SEPTIN11: variants seen among roughly 807,000 people sequenced by gnomAD.
The protein encoded by SEPTIN11 is septin-11.
Under a neutral mutation model 51.4 loss-of-function variants are expected in SEPTIN11, and 25 were observed. That is an observed-to-expected ratio of 0.49 (90% CI 0.35 to 0.68). SEPTIN11 has a LOEUF of 0.68. SEPTIN11 is among the 30% of genes least tolerant of loss of function. The pLI, the probability that SEPTIN11 is intolerant of heterozygous loss-of-function variation, is 0.00. For synonymous variants in SEPTIN11, 174 were observed against 184.1 expected (o/e 0.95, Z 0.44); for missense variants, 381 against 520.8 (o/e 0.73, Z 2.61).
At chr4:76,967,265 A>T (rs191409400) in intron 1 of SEPTIN11, among the ~76,000 whole-genome samples, 2 of 152,316 alleles carry the variant, frequency 1.3e-5, no homozygotes, top group East Asian at 3.9e-4. Context: ...AATTTATCTA[A>T]CTTTCTCTTT....
At chr4:77,025,113 AT>A (rs35562176) in intron 7 of SEPTIN11, among the ~76,000 whole-genome samples, 37,959 of 152,154 alleles carry the variant, frequency 0.25, 5,334 homozygotes, top group East Asian at 0.39. Context: ...TTAAGAGGAA[AT>A]TATAAGATAA....
At chr4:76,999,996 A>G (rs554218254) in intron 2 of SEPTIN11, among the ~76,000 whole-genome samples, 3 of 152,168 alleles carry the variant, frequency 2.0e-5, no homozygotes, top group Non-Finnish European at 4.4e-5. Flanking sequence ...TTTTTTCATA[A>G]TTTTAAATTT....
At chr4:77,011,527 G>T in intron 3 of SEPTIN11, among the ~76,000 whole-genome samples, 1 of 129,752 alleles carries the variant, frequency 7.7e-6, no homozygotes, top group Non-Finnish European at 1.6e-5. Flanking sequence ...ATGGGTGGGG[G>T]GCGGGCTGCT....
At position 76,968,177 on chromosome 4, in the gene SEPTIN11, C is replaced by T. The variant is rs987741722; in HGVS notation, c.27+18247C>T. On this transcript the variant is annotated intron_variant, in intron 1 of 9. Coordinates refer to ENST00000264893, the MANE Select transcript of SEPTIN11 (RefSeq NM_018243.4). The stretch of plus-strand genomic sequence containing the variant: ...ATTATTTATGAATTCGGCAGTGGGA[C>T]GATATAAAATGCAAGTTGATATAGG... Among the ~76,000 whole-genome samples, 13 of 151,896 alleles carry T rather than the reference C, an allele frequency of 8.6e-5. 1 individual carries two copies. Among genetic ancestry groups the T allele is most frequent in the African/African-American group, 2.7e-4 (11 of 41,328 alleles).
chr4:76,960,978 A>T (rs1355344013), intron 1 of SEPTIN11, among the ~76,000 whole-genome samples: 1 of 152,140 alleles, frequency 6.6e-6, no homozygotes, highest in Admixed American at 6.6e-5. Flanking sequence ...AACCAGTCAG[A>T]TATTTGAGGA....
At chr4:77,012,009 A>AT (rs370111654) in intron 4 of SEPTIN11, 88 bp downstream of exon 4, 6,095 of 1,113,644 alleles carry the variant, frequency 5.5e-3, no homozygotes, top group South Asian at 8.5e-3. Context: ...TTTCAGTGTG[A>AT]TTTTTTTTTT....
chr4:76,969,901 A>C (rs1722172613), intron 1 of SEPTIN11, among the ~76,000 whole-genome samples: 1 of 152,198 alleles, frequency 6.6e-6, no homozygotes, highest in African/African-American at 2.4e-5. Flanking sequence ...GTAGAACTAA[A>C]GGGCCCTTTT....
intron 1 of SEPTIN11, among the ~76,000 whole-genome samples, chr4:76,968,468 C>T (rs190061751): frequency 2.0e-5 from 3 of 152,228 alleles, no homozygotes; most frequent in East Asian, 1.9e-4. Flanking sequence ...GCATCTTCTA[C>T]GAACTATTAG....
At chr4:76,950,844 T>C (rs932320975) in intron 1 of SEPTIN11, among the ~76,000 whole-genome samples, 6 of 152,186 alleles carry the variant, frequency 3.9e-5, no homozygotes, top group Non-Finnish European at 8.8e-5. Context: ...GGCGGCGGCC[T>C]TTCCTTTTTT....
In SEPTIN11 at chr4:76,949,790, C is replaced by T; in HGVS notation, c.-114C>T. 3.4e-6 allele frequency: 4 copies of T among 1,175,766 alleles called. No homozygotes were observed. The highest frequency in any genetic ancestry group is 3.0e-5 in the East Asian group (1 of 33,420). The allele number at this position is 1,175,766 out of a possible 1,614,324, so 72.8% of individuals were successfully genotyped here. A position where few individuals can be genotyped will look rare whatever the true frequency, so the allele number is the denominator to read the frequency against. Reference sequence around the variant, plus strand: ...TGGCTGCCAGCGGGACGCCGGCGAGCAGAGCGCAGCCGCGAGGGAGGCGCG... The same window carrying T: ...TGGCTGCCAGCGGGACGCCGGCGAGTAGAGCGCAGCCGCGAGGGAGGCGCG... On this transcript the variant is annotated 5_prime_UTR_variant, in exon 1 of 10. Coordinates refer to ENST00000264893, the MANE Select transcript of SEPTIN11 (RefSeq NM_018243.4).
chr4:77,002,364 G>T (rs1724173795), intron 2 of SEPTIN11, among the ~76,000 whole-genome samples: 1 of 152,156 alleles, frequency 6.6e-6, no homozygotes, highest in African/African-American at 2.4e-5. Context: ...TCTTGTCCAG[G>T]TAACCTGGAA....
chr4:76,996,606 GAC>G, intron 2 of SEPTIN11, 67 bp downstream of exon 2: 1 of 1,122,772 alleles, frequency 8.9e-7, no homozygotes, highest in Middle Eastern at 2.0e-4. Context: ...CTGTCGGAGA[GAC>G]ATGCTTCAGT....
At chr4:76,957,408 G>GGTTCTAGAGTATC (rs1450310997) in intron 1 of SEPTIN11, among the ~76,000 whole-genome samples, 51 of 152,004 alleles carry the variant, frequency 3.4e-4, no homozygotes, top group Non-Finnish European at 1.6e-4. Context: ...AGGTTGCTCC[G>GGTTCTAGAGTATC]GTTCTAGAGT....
intron 7 of SEPTIN11, among the ~76,000 whole-genome samples, chr4:77,028,264 G>T (rs1560748309): frequency 6.6e-6 from 1 of 152,140 alleles, no homozygotes; most frequent in Non-Finnish European, 1.5e-5. Context: ...GGATCTGTGG[G>T]ACTCCAGTCC....
rs114257464 is a variant in SEPTIN11, at chr4:77,013,689, T to C, written c.526-1167T>C. On this transcript the variant is annotated intron_variant, in intron 4 of 9. Transcript: ENST00000264893. ...GCAGGTTGAGGAATAGGTTGAAGAA[T>C]AGGTCTTTCTCTCAGCATGTCATCT... 4.2e-3 allele frequency among the ~76,000 whole-genome samples: 646 copies of C among 152,332 alleles called. 5 individuals carry two copies. Among genetic ancestry groups the C allele is most frequent in the African/African-American group, 0.015 (610 of 41,594 alleles).
rs781583258 is a variant in SEPTIN11, at chr4:77,038,341, A to G, written c.*3829A>G. 1.6e-5 allele frequency: 16 copies of G among 985,658 alleles called. No individual in the cohort carries two copies. Among genetic ancestry groups the G allele is most frequent in the Non-Finnish European group, 1.8e-5 (15 of 829,862 alleles). The allele number at this position is 985,658 out of a possible 1,614,324, so 61.1% of individuals were successfully genotyped here. A position where few individuals can be genotyped will look rare whatever the true frequency, so the allele number is the denominator to read the frequency against. On this transcript the variant is annotated 3_prime_UTR_variant, in exon 10 of 10. Coordinates refer to ENST00000264893, the MANE Select transcript of SEPTIN11 (RefSeq NM_018243.4). ...TCATTTTGCTGTTTGAAAATAACCA[A>G]TGTGTTTTCTAAAACTGTCGTGTAA...
chr4:77,016,538 A>AAT lies in SEPTIN11; in HGVS notation c.687+1529_687+1530dup, dbSNP rs200673752. On this transcript the variant is annotated intron_variant, in intron 5 of 9. Coordinates refer to ENST00000264893, the MANE Select transcript of SEPTIN11 (RefSeq NM_018243.4). ...ATATATTTTGTATTATTGTTTTTAT[A>AAT]ATATATATAGCATATATATTATATA... 6.6e-3 allele frequency among the ~76,000 whole-genome samples: 948 copies of AAT among 144,112 alleles called. 9 individuals carry two copies. Among genetic ancestry groups the AAT allele is most frequent in the African/African-American group, 0.023 (891 of 39,448 alleles). The allele number at this position is 144,112 out of a possible 152,430, so 94.5% of individuals were successfully genotyped here.
At chr4:76,968,968 C>G (rs1289465806) in intron 1 of SEPTIN11, among the ~76,000 whole-genome samples, 1 of 152,154 alleles carries the variant, frequency 6.6e-6, no homozygotes, top group Non-Finnish European at 1.5e-5. Context: ...TACGCCAGAG[C>G]ATTTTTATTG....
rs2109994887 is a variant in SEPTIN11, at chr4:77,038,312, CT to C, written c.*3802del. 1 of 985,518 alleles carries C rather than the reference CT, an allele frequency of 1.0e-6. No individual in the cohort carries two copies. The highest frequency in any genetic ancestry group is 1.1e-4 in the East Asian group (1 of 8,810). The allele number at this position is 985,518 out of a possible 1,614,324, so 61.0% of individuals were successfully genotyped here. A position where few individuals can be genotyped will look rare whatever the true frequency, so the allele number is the denominator to read the frequency against. ...ATGCCTTAAACTGTAGTTGTAGATC[CT>C]TGTCATTTTGCTGTTTGAAAATAAC... On this transcript the variant is annotated 3_prime_UTR_variant, in exon 10 of 10. Coordinates refer to ENST00000264893, the MANE Select transcript of SEPTIN11 (RefSeq NM_018243.4).
Sources: allele counts gnomAD v4.1 joint callset (sites outside exome capture counted in the v4.1 genomes callset), GRCh38; gene constraint gnomAD v4.1.1; transcripts MANE v1.5; gene names NCBI Gene and HGNC (gene_info 2026-07-23, HGNC 2026-07-21).